TMEM254: variants seen among roughly 807,000 people sequenced by gnomAD.
The protein encoded by TMEM254 is transmembrane protein 254.
TMEM254 carries 16 observed loss-of-function variants against 13.9 expected under a neutral mutation model. The observed-to-expected ratio is 1.15, with a 90% CI of 0.78 to 1.75. The LOEUF is 1.75. Ranked by LOEUF, TMEM254 falls within the 40% of genes most tolerant of loss-of-function variation. The pLI, the probability that TMEM254 is intolerant of heterozygous loss-of-function variation, is 0.00. For missense variants in TMEM254, 155 were observed against 149.0 expected, an observed-to-expected ratio of 1.04 and a Z score of -0.21; for synonymous variants, 61 against 56.4, an observed-to-expected ratio of 1.08 and a Z score of -0.36.
Position 80,078,694 on chromosome 10 carries a change from G to A in TMEM254, c.-6G>A, listed in dbSNP as rs761996334. The A allele has an allele frequency of 3.8e-6, 6 of 1,596,500 alleles. No homozygotes were observed. The African/African-American group carries it at 8.0e-5, about 21-fold the overall frequency. ...TGAAGCGCGCTCCCGGGGAGGTGTTGCAGCCATGGCTACGGCAGCCGGCGC... is the reference window on the plus strand; with the variant it reads ...TGAAGCGCGCTCCCGGGGAGGTGTTACAGCCATGGCTACGGCAGCCGGCGC... On this transcript the variant is annotated 5_prime_UTR_variant, in exon 1 of 4. Transcript: ENST00000372281.
chr10:80,088,767 C>CCA (rs1491101644), intron 3 of TMEM254, among the ~76,000 whole-genome samples: 1 of 118,362 alleles, frequency 8.4e-6, no homozygotes, highest in Non-Finnish European at 1.8e-5. Context: ...GACTCCGTCT[C>CCA]AAAAAAAAAA....
intron 3 of TMEM254, among the ~76,000 whole-genome samples, chr10:80,088,809 G>C (rs1844440127): frequency 4.0e-5 from 6 of 151,028 alleles, no homozygotes; most frequent in Admixed American, 3.3e-4. Flanking sequence ...TGTTGCCAAG[G>C]CTGATGTCAA....
intron 1 of TMEM254, chr10:80,081,608 C>A: frequency 7.4e-7 from 1 of 1,352,422 alleles, no homozygotes; most frequent in Non-Finnish European, 1.0e-6. Flanking sequence ...GTGGAGGCTG[C>A]AGTGAGTCAT....
chr10:80,079,717 T>C (rs1843870868), intron 1 of TMEM254: 3 of 985,152 alleles, frequency 3.0e-6, no homozygotes, highest in African/African-American at 1.7e-5. Context: ...AAGGTGGTAG[T>C]TTTGTGTTTT....
In TMEM254 at chr10:80,090,903, C is replaced by T. The variant is rs778571194; in HGVS notation, c.358C>T (p.Gln120Ter). The change falls in exon 4 of 4, where the codon CAA (glutamine) becomes TAA (stop). Residue 120 changes from glutamine to a stop codon, truncating the protein, a stop_gained. Coordinates refer to ENST00000372281, the MANE Select transcript of TMEM254 (RefSeq NM_025125.4). LOFTEE classifies it high-confidence loss of function. ...CTTGATTGCTTACAAACGGAAGCGC[C>T]AAAAACAAACTTGAAGTTGTCTGAA... ...TILIAYKRKR[Q>*]KQT 1 of 1,613,344 alleles carries T rather than the reference C, an allele frequency of 6.2e-7. No homozygotes were observed. Among genetic ancestry groups the T allele is most frequent in the Non-Finnish European group, 8.5e-7 (1 of 1,179,802 alleles).
At chr10:80,090,759 T>C in intron 3 of TMEM254, 38 bp from the exon 4 acceptor site, 1 of 1,595,358 alleles carries the variant, frequency 6.3e-7, no homozygotes, top group East Asian at 2.2e-5. Context: ...ACTGTAAGAT[T>C]AACATCTCGT....
chr10:80,084,718 G>A (rs1455280830), intron 3 of TMEM254, among the ~76,000 whole-genome samples: 1 of 152,130 alleles, frequency 6.6e-6, no homozygotes, highest in Non-Finnish European at 1.5e-5. Context: ...GGAAGTGTCC[G>A]GTCCAGCCCC....
In TMEM254 at chr10:80,081,939, C is replaced by A; in HGVS notation, c.186C>A (p.Cys62Ter). 1 of 1,613,670 alleles carries A rather than the reference C, an allele frequency of 6.2e-7. No individual in the cohort carries two copies. Among genetic ancestry groups the A allele is most frequent in the Non-Finnish European group, 8.5e-7 (1 of 1,179,650 alleles). The change falls in exon 2 of 4, where the codon TGC (cysteine) becomes TGA (stop). Residue 62 changes from cysteine (C) to a stop codon, truncating the protein, a stop_gained. Transcript: ENST00000372281. LOFTEE classifies it high-confidence loss of function. ...YLVDHHHTLL[C>*]NGYWLAWLIH... ...TGGACCACCATCACACCCTCCTGTG[C>A]AATGGGTAAGGAGAGCTGCACAAGT...
chr10:80,078,835 C>G (rs763707216), intron 1 of TMEM254, 49 bp downstream of exon 1: 1 of 1,555,362 alleles, frequency 6.4e-7, no homozygotes, highest in South Asian at 1.2e-5. Flanking sequence ...AGCGAGCGCT[C>G]GGTTCACCCC....
intron 3 of TMEM254, among the ~76,000 whole-genome samples, chr10:80,087,684 T>C (rs1844382452): frequency 6.6e-6 from 1 of 152,128 alleles, no homozygotes; most frequent in Non-Finnish European, 1.5e-5. Context: ...TTAAATTAAA[T>C]GATATGTATT....
At chr10:80,083,801 G>T (rs12245912) in intron 3 of TMEM254, among the ~76,000 whole-genome samples, 1 of 152,104 alleles carries the variant, frequency 6.6e-6, no homozygotes. Context: ...TGCTGGCCAG[G>T]TGCAGTGGCT....
intron 1 of TMEM254, 46 bp downstream of exon 1, chr10:80,078,832 G>C: frequency 1.3e-6 from 2 of 1,557,388 alleles, no homozygotes; most frequent in Non-Finnish European, 1.7e-6. Context: ...ACGAGCGAGC[G>C]CTCGGTTCAC....
intron 3 of TMEM254, among the ~76,000 whole-genome samples, chr10:80,089,638 A>AG (rs1844477666): frequency 1.3e-5 from 2 of 152,090 alleles, no homozygotes; most frequent in South Asian, 4.1e-4. Flanking sequence ...TAATTGTACC[A>AG]GTACACTCCA....
At chr10:80,088,745 G>C (rs531607792) in intron 3 of TMEM254, among the ~76,000 whole-genome samples, 38 of 144,628 alleles carry the variant, frequency 2.6e-4, no homozygotes, top group Non-Finnish European at 4.1e-4. Flanking sequence ...TCCAGCCTGG[G>C]CGACAGAGCA....
rs536845752 is a variant in TMEM254, at chr10:80,092,028, A to T, written c.*1111A>T. The T allele has an allele frequency of 6.6e-6, 1 of 152,286 alleles. No homozygotes were observed. The highest frequency in any genetic ancestry group is 1.9e-4 in the East Asian group (1 of 5,182). The allele number at this position is 152,286 out of a possible 1,614,324, so 9.4% of individuals were successfully genotyped here. On this transcript the variant is annotated 3_prime_UTR_variant, in exon 4 of 4. Coordinates refer to ENST00000372281, the MANE Select transcript of TMEM254 (RefSeq NM_025125.4). ...ATTCTAGCCCATGGGTTATCTGGCTAGTTATTACCTCTCCTGTTCACTTAG... is the reference window on the plus strand; with the variant it reads ...ATTCTAGCCCATGGGTTATCTGGCTTGTTATTACCTCTCCTGTTCACTTAG...
chr10:80,089,453 T>G (rs1844469601), intron 3 of TMEM254, among the ~76,000 whole-genome samples: 1 of 150,788 alleles, frequency 6.6e-6, no homozygotes, highest in South Asian at 2.1e-4. Flanking sequence ...GGAGAATCAG[T>G]TGAAGCCAGG....
intron 3 of TMEM254, among the ~76,000 whole-genome samples, chr10:80,082,924 A>G (rs555252876): frequency 1.1e-4 from 17 of 152,234 alleles, no homozygotes; most frequent in African/African-American, 4.1e-4. Flanking sequence ...TCTGGTCAAG[A>G]TATACTATCA....
At chr10:80,079,836 T>A in intron 1 of TMEM254, 1 of 382,452 alleles carries the variant, frequency 2.6e-6, no homozygotes, top group Non-Finnish European at 3.6e-6. Flanking sequence ...TCTTTACCTG[T>A]AGCTGGGATT....
intron 3 of TMEM254, among the ~76,000 whole-genome samples, chr10:80,085,482 G>A (rs760844268): frequency 6.6e-6 from 1 of 151,798 alleles, no homozygotes; most frequent in African/African-American, 2.4e-5. Context: ...CAGGAGAATC[G>A]CTTGGACCTG....
Sources: allele counts gnomAD v4.1 joint callset (sites outside exome capture counted in the v4.1 genomes callset), GRCh38; gene constraint gnomAD v4.1.1; transcripts MANE v1.5; gene names NCBI Gene and HGNC (gene_info 2026-07-23, HGNC 2026-07-21).